KCNMB2: variants seen among roughly 807,000 people sequenced by gnomAD.
KCNMB2 encodes potassium calcium-activated channel subfamily M regulatory beta subunit 2, also known as calcium-activated potassium channel subunit beta-2.
In KCNMB2, 9 loss-of-function variants were observed where a neutral mutation model predicts 24.5. That is an observed-to-expected ratio of 0.37 (90% confidence interval 0.22 to 0.64). The LOEUF (loss-of-function observed/expected upper bound fraction) is 0.64, where lower values mean the gene tolerates loss of function less well. Ranked by LOEUF, KCNMB2 falls within the 30% of genes least tolerant of loss-of-function variation. KCNMB2 has a pLI of 0.63. For missense variants in KCNMB2, 226 were observed against 284.3 expected, an observed-to-expected ratio of 0.79 and a Z score of 1.47; for synonymous variants, 109 against 104.4, an observed-to-expected ratio of 1.04 and a Z score of -0.27.
At chr3:178,801,147 T>C (rs1280580196) in intron 1 of KCNMB2, among the ~76,000 whole-genome samples, 5 of 152,112 alleles carry the variant, frequency 3.3e-5, no homozygotes, top group African/African-American at 1.2e-4. Context: ...TCTACAATAA[T>C]TTATTGCACA....
At chr3:178,759,591 ATCTC>A (rs1195639108) in intron 1 of KCNMB2, among the ~76,000 whole-genome samples, 1 of 131,106 alleles carries the variant, frequency 7.6e-6, no homozygotes, top group African/African-American at 2.9e-5. Context: ...ATATACATAT[ATCTC>A]TCTCCAAGAG....
At chr3:178,593,361 G>A (rs1293803333) in intron 1 of KCNMB2, among the ~76,000 whole-genome samples, 1 of 152,036 alleles carries the variant, frequency 6.6e-6, no homozygotes, top group Non-Finnish European at 1.5e-5. Flanking sequence ...TCCTTCTACA[G>A]GGACTAATCA....
chr3:178,813,295 G>A (rs1714269038), intron 2 of KCNMB2, among the ~76,000 whole-genome samples: 1 of 151,806 alleles, frequency 6.6e-6, no homozygotes, highest in African/African-American at 2.4e-5. Flanking sequence ...ATTTATTCAT[G>A]AATTATATCA....
At chr3:178,698,617 C>A (rs1237897731) in intron 1 of KCNMB2, among the ~76,000 whole-genome samples, 1 of 152,292 alleles carries the variant, frequency 6.6e-6, no homozygotes, top group East Asian at 1.9e-4. Context: ...TATTTTCTGT[C>A]ATTTCAGCCA....
intron 1 of KCNMB2, among the ~76,000 whole-genome samples, chr3:178,594,799 GAAATGAAT>G (rs1228236329): frequency 6.6e-6 from 1 of 151,916 alleles, no homozygotes; most frequent in Non-Finnish European, 1.5e-5. Flanking sequence ...CTAAAAATGT[GAAATGAAT>G]AAATGAATGA....
At chr3:178,824,586 G>T in intron 2 of KCNMB2, 1 of 167,632 alleles carries the variant, frequency 6.0e-6, no homozygotes, top group South Asian at 1.3e-4. Flanking sequence ...ATGTTAGCCA[G>T]GATGATCTCA....
intron 2 of KCNMB2, chr3:178,824,530 G>A: frequency 6.7e-6 from 1 of 149,364 alleles, no homozygotes; most frequent in South Asian, 1.8e-4. Flanking sequence ...ACCACGCCCG[G>A]CTAATTTTTT....
At position 178,723,277 on chromosome 3, in the gene KCNMB2, G is replaced by A. The variant is rs372049429; in HGVS notation, c.-67-84066G>A. Among the ~76,000 whole-genome samples, 31 of 152,192 alleles carry A rather than the reference G, an allele frequency of 2.0e-4. No individual in the cohort carries two copies. The South Asian group carries it at 6.4e-3, about 32-fold the overall frequency. ...AAAATATCCTGCTGGAATTTTGATTGAAATTGTACTAAATCTATGAATCAC... is the reference window on the plus strand; with the variant it reads ...AAAATATCCTGCTGGAATTTTGATTAAAATTGTACTAAATCTATGAATCAC... On this transcript the variant is annotated intron_variant, in intron 1 of 4. Coordinates refer to ENST00000452583, the MANE Select transcript of KCNMB2 (RefSeq NM_181361.3).
At chr3:178,724,918 G>A (rs1189175126) in intron 1 of KCNMB2, among the ~76,000 whole-genome samples, 2 of 152,046 alleles carry the variant, frequency 1.3e-5, no homozygotes, top group Non-Finnish European at 2.9e-5. Flanking sequence ...TTGTAGTATA[G>A]TTCGAAGTTG....
intron 1 of KCNMB2, among the ~76,000 whole-genome samples, chr3:178,676,441 T>C (rs146672726): frequency 2.4e-4 from 37 of 152,180 alleles, no homozygotes; most frequent in Admixed American, 1.4e-3. Flanking sequence ...CACTCTCCTC[T>C]CCCCTAACAT....
intron 1 of KCNMB2, among the ~76,000 whole-genome samples, chr3:178,781,181 C>A (rs1712816627): frequency 6.6e-6 from 1 of 150,776 alleles, no homozygotes; most frequent in Non-Finnish European, 1.5e-5. Context: ...TAATGTAATA[C>A]TAGAAAATTT....
In KCNMB2 at chr3:178,634,639, G is replaced by A. The variant is rs536888306; in HGVS notation, c.-68+97928G>A. Reference sequence around the variant, plus strand: ...GACTACAATTCAAGATGAGATGTGGGTGGGGATACAACAAAACCATATCAC... The same window carrying A: ...GACTACAATTCAAGATGAGATGTGGATGGGGATACAACAAAACCATATCAC... On this transcript the variant is annotated intron_variant, in intron 1 of 4. Coordinates refer to ENST00000452583, the MANE Select transcript of KCNMB2 (RefSeq NM_181361.3). Among the ~76,000 whole-genome samples, 3 of 152,260 alleles carry A rather than the reference G, an allele frequency of 2.0e-5. No homozygotes were observed. In the South Asian group the frequency reaches 6.2e-4, roughly 32 times the overall value.
chr3:178,680,548 A>T (rs1223017795), intron 1 of KCNMB2, among the ~76,000 whole-genome samples: 4 of 152,206 alleles, frequency 2.6e-5, no homozygotes, highest in African/African-American at 4.8e-5. Context: ...TGAAAAAAGA[A>T]ATATTATAAC....
At chr3:178,545,576 A>C (rs1715747510) in intron 1 of KCNMB2, among the ~76,000 whole-genome samples, 1 of 152,228 alleles carries the variant, frequency 6.6e-6, no homozygotes, top group East Asian at 1.9e-4. Context: ...GCACTTTATG[A>C]GAAGGATAGA....
At chr3:178,717,220 A>C (rs1266518228) in intron 1 of KCNMB2, among the ~76,000 whole-genome samples, 1 of 152,128 alleles carries the variant, frequency 6.6e-6, no homozygotes, top group Non-Finnish European at 1.5e-5. Flanking sequence ...CTGGGCTTTT[A>C]AACTGGCCAC....
intron 1 of KCNMB2, among the ~76,000 whole-genome samples, chr3:178,604,130 C>G (rs1458726556): frequency 1.3e-5 from 2 of 152,112 alleles, no homozygotes; most frequent in East Asian, 3.9e-4. Context: ...CCCACCTCCC[C>G]CCAGTACTCT....
rs545089650 is a variant in KCNMB2 at position 178,842,720 on chromosome 3, A to C, written c.491A>C (p.Glu164Ala). 1 of 1,613,526 alleles carries C rather than the reference A, an allele frequency of 6.2e-7. No homozygotes were observed. Among genetic ancestry groups the C allele is most frequent in the East Asian group, 2.2e-5 (1 of 44,880 alleles). ...ESMSLVNVVMENFRKYQHFSC... is the reference protein window; with the variant it reads ...ESMSLVNVVMANFRKYQHFSC... ...ATGTCCCTGGTGAATGTTGTCATGG[A>C]AAACTTCAGGAAGTATCAACACTTC... Residue 164 changes from glutamate to alanine, a missense_variant, in exon 5 of 5, where the codon GAA (glutamate) becomes GCA (alanine). Physicochemically the swap from Glu to Ala is moderately radical, Grantham distance 107. Transcript: ENST00000452583.
intron 1 of KCNMB2, among the ~76,000 whole-genome samples, chr3:178,640,856 AT>A (rs924423482): frequency 2.6e-5 from 4 of 151,492 alleles, no homozygotes; most frequent in South Asian, 2.1e-4. Context: ...TTTCAGTTAA[AT>A]TTTTTTTTAA....
intron 1 of KCNMB2, among the ~76,000 whole-genome samples, chr3:178,734,638 T>C (rs1723260531): frequency 6.6e-6 from 1 of 152,194 alleles, no homozygotes; most frequent in Admixed American, 6.5e-5. Context: ...CTTGCCTGTG[T>C]TCAAAGAACA....
Sources: gnomAD v4.1 joint callset for allele counts (sites outside exome capture counted in the v4.1 genomes callset) on GRCh38, gnomAD v4.1.1 for gene constraint, MANE v1.5 for transcripts, NCBI Gene and HGNC (gene_info 2026-07-23, HGNC 2026-07-21) for gene names.